GALK1: variants seen among roughly 807,000 people sequenced by gnomAD.
GALK1 encodes galactokinase.
GALK1 carries 30 observed loss-of-function variants against 38.6 expected under a neutral mutation model. The observed-to-expected ratio is 0.78, with a 90% CI of 0.58 to 1.05. GALK1 has a LOEUF of 1.05. GALK1 is among the 50% of genes least tolerant of loss of function. The probability of loss-of-function intolerance (pLI) is 0.00; values close to 1 mark genes in which losing one functional copy is unlikely to be tolerated. For synonymous variants in GALK1, 240 were observed against 233.6 expected, an observed-to-expected ratio of 1.03 and a Z score of -0.25; for missense variants, 512 against 540.5, an observed-to-expected ratio of 0.95 and a Z score of 0.52.
intron 5 of GALK1, among the ~76,000 whole-genome samples, chr17:75,760,725 G>A (rs1212111478): frequency 3.9e-5 from 6 of 152,020 alleles, no homozygotes; most frequent in South Asian, 2.1e-4. Flanking sequence ...GCAGTGAGCC[G>A]AGATCACGCC....
chr17:75,755,828 G>A, downstream of GALK1: 2 of 1,607,014 alleles, frequency 1.2e-6, no homozygotes, highest in South Asian at 2.2e-5. Context: ...GCTACAGTGT[G>A]GAGTACCAGC....
At chr17:75,758,665 C>T (rs936903885) in intron 5 of GALK1, 66 bp from the exon 6 acceptor site, 1 of 1,532,434 alleles carries the variant, frequency 6.5e-7, no homozygotes, top group Non-Finnish European at 8.8e-7. Context: ...CTGTGAGGAC[C>T]AGCAGGCGGT....
intron 7 of GALK1, 30 bp from the exon 8 acceptor site, chr17:75,758,157 AG>A (rs1451877349): frequency 1.2e-6 from 2 of 1,611,010 alleles, no homozygotes; most frequent in Admixed American, 3.3e-5. Flanking sequence ...GGTGAGTGGC[AG>A]GGCCCCGGGA....
chr17:75,752,568 G>A lies in GALK1; in HGVS notation c.*23-831C>T, dbSNP rs150008568. On this transcript the variant is annotated intron_variant, in intron 8 of 8. Transcript: ENST00000225614. ...GGGCAGCCAGAGGCCCAGCGTCTCCGATGACACTGGTGAGTGGAGACCTGG... is the reference window on the plus strand; with the variant it reads ...GGGCAGCCAGAGGCCCAGCGTCTCCAATGACACTGGTGAGTGGAGACCTGG... The A allele has an allele frequency of 3.5e-5, 56 of 1,613,574 alleles. No individual in the cohort carries two copies. Among genetic ancestry groups the A allele is most frequent in the South Asian group, 8.8e-5 (8 of 91,082 alleles).
downstream of GALK1, chr17:75,757,029 T>G: frequency 6.2e-7 from 1 of 1,611,072 alleles, no homozygotes; most frequent in Non-Finnish European, 8.5e-7. Context: ...GCCCTACAAG[T>G]TCAAGGTGCA....
chr17:75,752,890 G>A (rs1188007991), intron 8 of GALK1, among the ~76,000 whole-genome samples: 1 of 152,158 alleles, frequency 6.6e-6, no homozygotes, highest in African/African-American at 2.4e-5. Context: ...CCCAGGGGCA[G>A]GCCTGGCCCA....
At position 75,763,958 on chromosome 17, in the gene GALK1, C is replaced by T. The variant is rs766656571; in HGVS notation, c.294G>A (p.Ser98=). The T allele has an allele frequency of 6.2e-7, 1 of 1,613,414 alleles. No homozygotes were observed. The highest frequency in any genetic ancestry group is 1.3e-5 in the African/African-American group (1 of 75,046). The change falls in exon 2 of 8, where the codon TCG becomes TCA. Residue 98 remains serine, a synonymous_variant. Coordinates refer to ENST00000588479, the MANE Select transcript of GALK1 (RefSeq NM_000154.2). ...LQFPLPTAQR[S]LEPGTPRWAN... Reference sequence around the variant, plus strand: ...CCCACCGAGGAGTCCCAGGCTCCAGCGAGCGCTGGGCTGTGGGCAGTGGAA... The same window carrying T: ...CCCACCGAGGAGTCCCAGGCTCCAGTGAGCGCTGGGCTGTGGGCAGTGGAA...
downstream of GALK1, chr17:75,754,958 ACACGCATG>A (rs2143489641): frequency 6.9e-7 from 1 of 1,454,780 alleles, no homozygotes; most frequent in East Asian, 2.4e-5. Flanking sequence ...ACACACGTGC[ACACGCATG>A]CACACATGTA....
intron 8 of GALK1, chr17:75,752,625 A>T: frequency 6.2e-7 from 1 of 1,610,204 alleles, no homozygotes; most frequent in Non-Finnish European, 8.5e-7. Flanking sequence ...GGTCTTGGGT[A>T]CAGAGTGAGT....
chr17:75,755,603 C>A, downstream of GALK1: 2 of 1,484,730 alleles, frequency 1.3e-6, no homozygotes, highest in Non-Finnish European at 1.9e-6. Context: ...TCAGTGTAGA[C>A]ATGCCAGCTG....
downstream of GALK1, chr17:75,757,728 T>C (rs181093059): frequency 8.1e-5 from 70 of 862,942 alleles, no homozygotes; most frequent in Non-Finnish European, 1.3e-4. Context: ...CCGTCCTCTG[T>C]GGGCCCAAAC....
chr17:75,754,907 C>T, downstream of GALK1: 1 of 1,582,638 alleles, frequency 6.3e-7, no homozygotes, highest in Non-Finnish European at 8.7e-7. Flanking sequence ...GTCCCCACCG[C>T]CCATTCTCCA....
At chr17:75,761,789 G>A (rs1283355004) in intron 5 of GALK1, among the ~76,000 whole-genome samples, 2 of 151,280 alleles carry the variant, frequency 1.3e-5, no homozygotes, top group Non-Finnish European at 2.9e-5. Flanking sequence ...AGGCTGAGGC[G>A]GGAGGATCAC....
chr17:75,754,862 CT>C (rs2061452701), downstream of GALK1: 1 of 1,612,860 alleles, frequency 6.2e-7, no homozygotes. Context: ...CCCTTCCTCT[CT>C]TCCAGCTCCT....
At chr17:75,753,365 C>T (rs2061412041), downstream of GALK1, among the ~76,000 whole-genome samples, 1 of 152,116 alleles carries the variant, frequency 6.6e-6, no homozygotes, top group South Asian at 2.1e-4. Flanking sequence ...CGGTGGCTTG[C>T]GGAACGGTCC....
chr17:75,758,029 C>G lies in GALK1; in HGVS notation c.*27G>C. Reference sequence around the variant, plus strand: ...GGGACTGGCCTGCAGGCCCCGCACCCTCACCGTGTGCTGTCCTGGGGGTGC... The same window carrying G: ...GGGACTGGCCTGCAGGCCCCGCACCGTCACCGTGTGCTGTCCTGGGGGTGC... On this transcript the variant is annotated 3_prime_UTR_variant, in exon 8 of 8. Coordinates refer to ENST00000588479, the MANE Select transcript of GALK1 (RefSeq NM_000154.2). The G allele has an allele frequency of 6.2e-7, 1 of 1,612,172 alleles. No homozygotes were observed.
rs1212615485 is a variant in GALK1 at position 75,752,212 on chromosome 17, C to A, written c.*23-475G>T. 4.3e-6 allele frequency: 7 copies of A among 1,613,818 alleles called. No individual in the cohort carries two copies. The Admixed American group carries it at 1.0e-4, about 23-fold the overall frequency. ...CATGAAGAAAGTGCTGGTTGACAAC[C>A]CTAAGAACCGGATGCTGCTTATTGA... On this transcript the variant is annotated intron_variant, in intron 8 of 8. Coordinates refer to the GALK1 transcript ENST00000225614.
rs756937139 is a variant in GALK1, at chr17:75,763,982, A to C, written c.270T>G (p.Phe90Leu). 8.1e-6 allele frequency: 13 copies of C among 1,612,708 alleles called. No homozygotes were observed. Among genetic ancestry groups the C allele is most frequent in the Non-Finnish European group, 5.9e-6 (7 of 1,179,834 alleles). ...EGADEPQRLQ[F>L]PLPTAQRSLE... is the part of the protein sequence containing the mutation. ...GCGAGCGCTGGGCTGTGGGCAGTGG[A>C]AACTGCAGCCGCTGGGGCTCATCGG... The change falls in exon 2 of 8, where the codon TTT (phenylalanine) becomes TTG (leucine). Residue 90 changes from phenylalanine to leucine, a missense_variant. Physicochemically the swap from Phe to Leu is conservative, Grantham distance 22. Coordinates refer to ENST00000588479, the MANE Select transcript of GALK1 (RefSeq NM_000154.2).
intron 5 of GALK1, among the ~76,000 whole-genome samples, chr17:75,759,300 C>A (rs1599333245): frequency 6.6e-6 from 1 of 151,894 alleles, no homozygotes; most frequent in African/African-American, 2.4e-5. Context: ...TCGTGGCAGG[C>A]GCCTGTAATC....
Sources: gnomAD v4.1 joint callset for allele counts (sites outside exome capture counted in the v4.1 genomes callset) on GRCh38, gnomAD v4.1.1 for gene constraint, MANE v1.5 for transcripts, NCBI Gene and HGNC (gene_info 2026-07-23, HGNC 2026-07-21) for gene names.